The following PADI3 variants were observed in gnomAD, a reference collection of about 807,000 sequenced individuals.
The protein encoded by PADI3 is protein-arginine deiminase type-3.
PADI3 carries 53 observed loss-of-function variants against 71.5 expected under a neutral mutation model. That is an observed-to-expected ratio of 0.74 (90% CI 0.59 to 0.93). The LOEUF (loss-of-function observed/expected upper bound fraction) is 0.93. Among genes scored for constraint, PADI3 ranks in the 40% least tolerant of loss-of-function variants. The pLI, the probability that PADI3 is intolerant of heterozygous loss-of-function variation, is 0.00. For missense variants in PADI3, 821 were observed against 868.0 expected, an observed-to-expected ratio of 0.95 and a Z score of 0.68; for synonymous variants, 361 against 347.5, an observed-to-expected ratio of 1.04 and a Z score of -0.43.
At chr1:17,256,296 C>G (rs1028258589) in intron 1 of PADI3, among the ~76,000 whole-genome samples, 2 of 152,208 alleles carry the variant, frequency 1.3e-5, no homozygotes, top group Non-Finnish European at 2.9e-5. Flanking sequence ...GTGTCATTAT[C>G]CCACTTTAAG....
intron 1 of PADI3, among the ~76,000 whole-genome samples, chr1:17,252,790 G>A (rs1437099844): frequency 1.3e-5 from 2 of 152,236 alleles, no homozygotes; most frequent in East Asian, 3.8e-4. Flanking sequence ...CATTGGCCCA[G>A]TGGTAAGAAC....
chr1:17,250,700 G>T (rs1296998592), intron 1 of PADI3, among the ~76,000 whole-genome samples: 1 of 152,040 alleles, frequency 6.6e-6, no homozygotes, highest in Non-Finnish European at 1.5e-5. Context: ...AGGAAGGAGG[G>T]GTATCTGCCA....
In PADI3 at chr1:17,266,766, G is replaced by A. The variant is rs1231876393; in HGVS notation, c.456G>A (p.Val152=). The change falls in exon 5 of 16, where the codon GTG becomes GTA. Residue 152 remains valine, a synonymous_variant. Coordinates refer to ENST00000375460, the MANE Select transcript of PADI3 (RefSeq NM_016233.2). ...GTGGGTATGGCGGCATCTTGCTGGT[G>A]AACTGTGACCGTGATGATCCGAGCT... ...GPSGYGGILL[V]NCDRDDPSCD... is the part of the protein sequence containing the mutation. 3.7e-6 allele frequency: 6 copies of A among 1,614,050 alleles called. No individual in the cohort carries two copies. In the African/African-American group the frequency reaches 8.0e-5, roughly 22 times the overall value.
chr1:17,261,995 T>A (rs1003825049), intron 2 of PADI3, 138 bp from the exon 3 acceptor site: 5 of 680,718 alleles, frequency 7.3e-6, no homozygotes, highest in African/African-American at 1.9e-5. Flanking sequence ...CACAGAAAAA[T>A]AAATGGCACA....
intron 4 of PADI3, 30 bp from the exon 5 acceptor site, chr1:17,266,689 T>G (rs773478571): frequency 1.3e-6 from 2 of 1,583,386 alleles, no homozygotes; most frequent in Non-Finnish European, 1.7e-6. Context: ...ATCTGAGCCC[T>G]CATCACTGGC....
intron 9 of PADI3, among the ~76,000 whole-genome samples, chr1:17,271,804 G>A (rs2100588276): frequency 7.2e-6 from 1 of 138,114 alleles, no homozygotes; most frequent in South Asian, 2.3e-4. Flanking sequence ...AGCTGTGATT[G>A]TGCCACTGCA....
At position 17,282,850 on chromosome 1, in the gene PADI3, A is replaced by G. The variant is rs1396420265; in HGVS notation, c.1766A>G (p.Asn589Ser). 6.2e-7 allele frequency: 1 copy of G among 1,609,252 alleles called. No homozygotes were observed. The highest frequency in any genetic ancestry group is 8.5e-7 in the Non-Finnish European group (1 of 1,177,600). ...KATAFFPDLV[N>S]MLVLGKHLGI... ...TGCTTCCCCTTTGGACTGCAGGTGA[A>G]CATGCTGGTGCTGGGGAAGCACCTG... Residue 589 changes from asparagine to serine, a missense_variant, in exon 16 of 16, where the codon AAC (asparagine) becomes AGC (serine). Coordinates refer to ENST00000375460, the MANE Select transcript of PADI3 (RefSeq NM_016233.2).
intron 3 of PADI3, 88 bp downstream of exon 3, chr1:17,262,293 C>T: frequency 1.1e-6 from 1 of 922,224 alleles, no homozygotes; most frequent in Non-Finnish European, 1.6e-6. Flanking sequence ...AAAATTAAAC[C>T]TCCTTCCCTC....
At chr1:17,278,789 C>T (rs1033977994) in intron 13 of PADI3, among the ~76,000 whole-genome samples, 1 of 152,042 alleles carries the variant, frequency 6.6e-6, no homozygotes, top group Non-Finnish European at 1.5e-5. Context: ...CAGATAGCAT[C>T]CTAGACCAAA....
intron 2 of PADI3, 135 bp downstream of exon 2, chr1:17,259,893 C>T: frequency 1.5e-6 from 1 of 685,218 alleles, no homozygotes; most frequent in East Asian, 3.0e-5. Flanking sequence ...AGCCATACTG[C>T]TGATTTTGAA....
intron 13 of PADI3, among the ~76,000 whole-genome samples, chr1:17,278,429 G>A (rs12566659): frequency 0.15 from 22,948 of 152,048 alleles, 1,905 homozygotes; most frequent in South Asian, 0.29. Flanking sequence ...GAGTCTCACC[G>A]TGTTGCCCAG....
chr1:17,280,296 G>A, intron 13 of PADI3, 54 bp from the exon 14 acceptor site: 2 of 1,376,282 alleles, frequency 1.5e-6, no homozygotes, highest in Non-Finnish European at 2.1e-6. Flanking sequence ...CTAAGCAGGT[G>A]GTCCTCACGT....
chr1:17,273,517 TGGGGTACAGA>T, intron 10 of PADI3, 70 bp downstream of exon 10: 1 of 1,022,882 alleles, frequency 9.8e-7, no homozygotes, highest in Non-Finnish European at 1.5e-6. Flanking sequence ...CACCGGGGTG[TGGGGTACAGA>T]GGGCAGCAGT....
intron 2 of PADI3, 132 bp downstream of exon 2, chr1:17,259,890 C>T (rs2073082582): frequency 4.2e-6 from 3 of 707,062 alleles, no homozygotes; most frequent in Non-Finnish European, 6.8e-6. Context: ...TGGAGCCATA[C>T]TGCTGATTTT....
intron 4 of PADI3, among the ~76,000 whole-genome samples, chr1:17,265,978 T>C (rs3890176): frequency 0.021 from 3,158 of 152,286 alleles, 111 homozygotes; most frequent in African/African-American, 0.07. Flanking sequence ...TCTGGACTCA[T>C]AAACTAGGTC....
chr1:17,278,716 A>G (rs1331406161), intron 13 of PADI3, among the ~76,000 whole-genome samples: 1 of 152,032 alleles, frequency 6.6e-6, no homozygotes, highest in Non-Finnish European at 1.5e-5. Context: ...CAGAGGTCCC[A>G]GGGCAAAGAC....
intron 15 of PADI3, among the ~76,000 whole-genome samples, chr1:17,281,238 C>T (rs1375920481): frequency 2.6e-5 from 4 of 152,176 alleles, no homozygotes; most frequent in East Asian, 3.9e-4. Flanking sequence ...TCAGTCTAAT[C>T]GGTTGAGAGG....
In PADI3 at chr1:17,280,428, A is replaced by G. The variant is rs757416562; in HGVS notation, c.1634A>G (p.Gln545Arg). The change falls in exon 14 of 16, where the codon CAG becomes CGG. Residue 545 changes from glutamine (Q) to arginine (R), a missense_variant and splice_region_variant. Gln to Arg is a conservative substitution (Grantham distance 43). Coordinates refer to ENST00000375460, the MANE Select transcript of PADI3 (RefSeq NM_016233.2). Reference sequence around the variant, plus strand: ...CTCATCAACTACAATAAGTTTGTGCAGGTACAAGGGCTGTGGTGTACCTGT... The same window carrying G: ...CTCATCAACTACAATAAGTTTGTGCGGGTACAAGGGCTGTGGTGTACCTGT... ...KDLINYNKFVQSCIDWNREVL... is the reference protein window; with the variant it reads ...KDLINYNKFVRSCIDWNREVL... 1.2e-6 allele frequency: 2 copies of G among 1,612,852 alleles called. No individual in the cohort carries two copies. The highest frequency in any genetic ancestry group is 1.7e-5 in the Admixed American group (1 of 60,030).
chr1:17,280,523 A>G, intron 14 of PADI3, 94 bp downstream of exon 14: 1 of 1,494,258 alleles, frequency 6.7e-7, no homozygotes, highest in Non-Finnish European at 9.3e-7. Context: ...CTAACTGTTC[A>G]TGAAAGCTCA....
Sources: gnomAD v4.1 joint callset for allele counts (sites outside exome capture counted in the v4.1 genomes callset) on GRCh38, gnomAD v4.1.1 for gene constraint, MANE v1.5 for transcripts, NCBI Gene and HGNC (gene_info 2026-07-23, HGNC 2026-07-21) for gene names.